NRXN1: variants seen among roughly 807,000 people sequenced by gnomAD.
NRXN1 encodes the protein neurexin-1.
NRXN1 carries 39 observed loss-of-function variants against 150.9 expected under a neutral mutation model. The ratio of observed to expected loss-of-function variants is 0.26; its 90% CI spans 0.20 to 0.34. The LOEUF is 0.34. Among genes scored for constraint, NRXN1 ranks in the 10% least tolerant of loss-of-function variants. The pLI is 1.00. For synonymous variants in NRXN1, 924 were observed against 757.0 expected, an observed-to-expected ratio of 1.22 and a Z score of -3.62; for missense variants, 1,815 against 1,949.9, an observed-to-expected ratio of 0.93 and a Z score of 1.30.
intron 17 of NRXN1, among the ~76,000 whole-genome samples, chr2:50,244,135 A>G (rs1442636421): frequency 1.3e-5 from 2 of 151,972 alleles, no homozygotes; most frequent in Non-Finnish European, 2.9e-5. Context: ...ATATATTCAT[A>G]AATACATTTT....
intron 8 of NRXN1, among the ~76,000 whole-genome samples, chr2:50,559,469 A>C (rs1668734074): frequency 6.6e-6 from 1 of 152,222 alleles, no homozygotes; most frequent in Non-Finnish European, 1.5e-5. Flanking sequence ...AATTTTAGTC[A>C]CTTCCCTGTG....
intron 8 of NRXN1, among the ~76,000 whole-genome samples, chr2:50,592,411 TA>T (rs1368171147): frequency 7.3e-4 from 111 of 152,108 alleles, no homozygotes; most frequent in Non-Finnish European, 1.5e-5. Context: ...AAGAGAAAAG[TA>T]GTAGGCCATG....
intron 8 of NRXN1, among the ~76,000 whole-genome samples, chr2:50,606,445 G>A (rs1481045523): frequency 6.6e-6 from 1 of 151,654 alleles, no homozygotes; most frequent in East Asian, 1.9e-4. Flanking sequence ...CCTGGGGCAA[G>A]GGAGAAATGG....
intron 5 of NRXN1, among the ~76,000 whole-genome samples, chr2:50,704,243 T>G (rs1427057608): frequency 6.6e-6 from 1 of 152,086 alleles, no homozygotes; most frequent in Non-Finnish European, 1.5e-5. Flanking sequence ...AAATATAGTT[T>G]TTTTAAATTG....
At chr2:50,505,706 G>C (rs528234756) in intron 13 of NRXN1, among the ~76,000 whole-genome samples, 1 of 152,128 alleles carries the variant, frequency 6.6e-6, no homozygotes, top group Non-Finnish European at 1.5e-5. Context: ...CATTGACACA[G>C]TTGACTGTTC....
intron 19 of NRXN1, among the ~76,000 whole-genome samples, chr2:50,059,529 A>G (rs1694169479): frequency 6.6e-6 from 1 of 152,248 alleles, no homozygotes; most frequent in Non-Finnish European, 1.5e-5. Flanking sequence ...AGCCAGCTGA[A>G]GAAATTTGCA....
chr2:49,983,401 C>T (rs1203727471), intron 21 of NRXN1, among the ~76,000 whole-genome samples: 2 of 152,056 alleles, frequency 1.3e-5, no homozygotes, highest in African/African-American at 4.8e-5. Context: ...GGTAAAAATG[C>T]TTTCTTTCCT....
chr2:50,479,168 C>A (rs2090238073), intron 15 of NRXN1, among the ~76,000 whole-genome samples: 1 of 152,196 alleles, frequency 6.6e-6, no homozygotes, highest in South Asian at 2.1e-4. Flanking sequence ...TAACTTTTGC[C>A]AGGTAGAAGA....
At chr2:50,469,660 A>G (rs1324309922) in intron 16 of NRXN1, among the ~76,000 whole-genome samples, 1 of 151,426 alleles carries the variant, frequency 6.6e-6, no homozygotes, top group Non-Finnish European at 1.5e-5. Context: ...TTATTCCTAG[A>G]AACTATACAG....
intron 2 of NRXN1, among the ~76,000 whole-genome samples, chr2:50,999,785 G>C (rs1699804126): frequency 6.6e-6 from 1 of 151,802 alleles, no homozygotes; most frequent in East Asian, 2.0e-4. Flanking sequence ...TGCCAGCTTT[G>C]CATTCAAAGT....
At chr2:49,955,212 T>C (rs1674713194) in intron 21 of NRXN1, among the ~76,000 whole-genome samples, 2 of 152,192 alleles carry the variant, frequency 1.3e-5, no homozygotes, top group African/African-American at 4.8e-5. Context: ...ATTGCTCATT[T>C]ATACCAGCTA....
At chr2:50,931,008 C>G (rs1437647314) in intron 2 of NRXN1, among the ~76,000 whole-genome samples, 1 of 152,150 alleles carries the variant, frequency 6.6e-6, no homozygotes, top group Non-Finnish European at 1.5e-5. Context: ...ACTTTCCCAA[C>G]TTACCAACCC....
chr2:50,947,006 T>C (rs891948004), intron 2 of NRXN1, among the ~76,000 whole-genome samples: 2 of 152,152 alleles, frequency 1.3e-5, no homozygotes, highest in Admixed American at 6.6e-5. Context: ...TTTCACAAAC[T>C]ATTTAATCAA....
intron 17 of NRXN1, among the ~76,000 whole-genome samples, chr2:50,439,394 A>G (rs1429605115): frequency 6.6e-6 from 1 of 152,268 alleles, no homozygotes; most frequent in Non-Finnish European, 1.5e-5. Context: ...ACAAAACTGA[A>G]TATACAAATA....
chr2:50,244,397 C>T lies in NRXN1; in HGVS notation c.3365-7427G>A, dbSNP rs571933208. On this transcript the variant is annotated intron_variant, in intron 17 of 22. Transcript: ENST00000401669. ...AGATGTTAATGATGTTCATTGGTGT[C>T]GTATAAAACTATGACTCTACATAAT... Among the ~76,000 whole-genome samples, 75 of 151,822 alleles carry T rather than the reference C, an allele frequency of 4.9e-4. 2 individuals are homozygous for T. In the South Asian group the frequency reaches 8.7e-3, roughly 18 times the overall value.
intron 13 of NRXN1, among the ~76,000 whole-genome samples, chr2:50,498,877 G>A (rs180696165): frequency 1.1e-4 from 17 of 152,178 alleles, no homozygotes; most frequent in South Asian, 8.3e-4. Context: ...TTCCCTGCCC[G>A]ATTTGCCATA....
chr2:50,454,003 C>G (rs1028715216), intron 17 of NRXN1, among the ~76,000 whole-genome samples: 5 of 152,118 alleles, frequency 3.3e-5, no homozygotes, highest in African/African-American at 9.7e-5. Context: ...CTTGAAATGA[C>G]AAAATATCCT....
intron 2 of NRXN1, among the ~76,000 whole-genome samples, chr2:50,938,464 C>A (rs1237245310): frequency 1.3e-5 from 2 of 152,174 alleles, no homozygotes; most frequent in Admixed American, 1.3e-4. Context: ...TTTCCCATAT[C>A]TTCCTGTCTT....
intron 5 of NRXN1, among the ~76,000 whole-genome samples, chr2:50,817,530 C>T (rs1484776843): frequency 2.0e-5 from 3 of 151,990 alleles, no homozygotes; most frequent in African/African-American, 7.2e-5. Flanking sequence ...GATAGGGATA[C>T]CAAAGCTAGA....
Sources: allele counts gnomAD v4.1 joint callset (sites outside exome capture counted in the v4.1 genomes callset), GRCh38; gene constraint gnomAD v4.1.1; transcripts MANE v1.5; gene names NCBI Gene and HGNC (gene_info 2026-07-23, HGNC 2026-07-21).